KAZN: variants seen among roughly 807,000 people sequenced by gnomAD.
KAZN encodes kazrin.
In KAZN, 40 loss-of-function variants were observed where a neutral mutation model predicts 87.4. The ratio of observed to expected loss-of-function variants is 0.46; its 90% CI spans 0.36 to 0.60. The LOEUF is 0.60. Ranked by LOEUF, KAZN falls within the 20% of genes least tolerant of loss-of-function variation. The pLI is 0.00. For missense variants in KAZN, 898 were observed against 1,073.9 expected, an observed-to-expected ratio of 0.84 and a Z score of 2.29; for synonymous variants, 466 against 458.3, an observed-to-expected ratio of 1.02 and a Z score of -0.22.
intron 2 of KAZN, among the ~76,000 whole-genome samples, chr1:14,245,717 T>C (rs1055539825): frequency 6.7e-4 from 102 of 152,170 alleles, no homozygotes; most frequent in African/African-American, 2.4e-3. Flanking sequence ...ACCAGCTGTG[T>C]TCCTGTTTCC....
At chr1:14,600,920 G>A (rs1676916821) in intron 1 of KAZN, among the ~76,000 whole-genome samples, 1 of 152,200 alleles carries the variant, frequency 6.6e-6, no homozygotes. Flanking sequence ...GGCAGTCAAC[G>A]CAGTAATGAT....
chr1:14,417,476 A>C (rs4573512), intron 2 of KAZN, among the ~76,000 whole-genome samples: 13 of 151,976 alleles, frequency 8.6e-5, no homozygotes, highest in African/African-American at 3.1e-4. Context: ...TCAGCTGCTC[A>C]GTCTACAATG....
At chr1:14,250,898 G>GA (rs869223452) in intron 2 of KAZN, among the ~76,000 whole-genome samples, 64 of 130,384 alleles carry the variant, frequency 4.9e-4, no homozygotes, top group South Asian at 3.4e-3. Flanking sequence ...CAGCAAAAAA[G>GA]AAAAAAAAAA....
chr1:15,100,538 G>T (rs1396565393), intron 10 of KAZN, among the ~76,000 whole-genome samples: 1 of 152,238 alleles, frequency 6.6e-6, no homozygotes, highest in East Asian at 1.9e-4. Flanking sequence ...CGTTCCTTCT[G>T]CAAGGCTGCC....
At chr1:14,246,625 C>G (rs376173226) in intron 2 of KAZN, among the ~76,000 whole-genome samples, 11 of 152,124 alleles carry the variant, frequency 7.2e-5, no homozygotes, top group African/African-American at 2.7e-4. Flanking sequence ...TCCAACACCC[C>G]GATTGCATTC....
intron 1 of KAZN, among the ~76,000 whole-genome samples, chr1:14,652,500 T>TGTCCATCCACCCACCCACCC (rs1638467526): frequency 2.2e-4 from 4 of 18,318 alleles, no homozygotes; most frequent in Non-Finnish European, 2.9e-4. Flanking sequence ...CCTATCCACC[T>TGTCCATCCACCCACCCACCC]ATCTACCTAT....
chr1:14,960,357 A>G (rs1232235237), intron 1 of KAZN, among the ~76,000 whole-genome samples: 2 of 152,212 alleles, frequency 1.3e-5, no homozygotes, highest in African/African-American at 4.8e-5. Context: ...AACTCAACTC[A>G]GCATGCTGTT....
chr1:14,305,109 G>A (rs935750353), intron 2 of KAZN, among the ~76,000 whole-genome samples: 5 of 152,042 alleles, frequency 3.3e-5, no homozygotes, highest in African/African-American at 1.2e-4. Flanking sequence ...TCATTCCTCT[G>A]CATCAGCTAC....
intron 1 of KAZN, among the ~76,000 whole-genome samples, chr1:14,116,943 G>A (rs1470781019): frequency 6.6e-6 from 1 of 152,218 alleles, no homozygotes; most frequent in Non-Finnish European, 1.5e-5. Context: ...CTTGCATGGA[G>A]CCTGTAGCCC....
At chr1:14,491,570 G>T (rs573939001) in intron 2 of KAZN, among the ~76,000 whole-genome samples, 1 of 152,184 alleles carries the variant, frequency 6.6e-6, no homozygotes, top group Non-Finnish European at 1.5e-5. Context: ...AATACCTTCT[G>T]TATTCACCAT....
At chr1:14,356,955 C>T (rs1463093262) in intron 2 of KAZN, among the ~76,000 whole-genome samples, 1 of 151,316 alleles carries the variant, frequency 6.6e-6, no homozygotes, top group Non-Finnish European at 1.5e-5. Context: ...TTTTCTAATT[C>T]TGTGAAGAAA....
chr1:14,926,651 T>C (rs948325656), intron 1 of KAZN, among the ~76,000 whole-genome samples: 5 of 152,202 alleles, frequency 3.3e-5, no homozygotes, highest in African/African-American at 1.2e-4. Flanking sequence ...CAGCCTGCCG[T>C]GGAAATGGTT....
At chr1:14,859,021 G>A (rs959683631) in intron 1 of KAZN, among the ~76,000 whole-genome samples, 1 of 151,988 alleles carries the variant, frequency 6.6e-6, no homozygotes, top group Non-Finnish European at 1.5e-5. Flanking sequence ...CCTGGCTAAC[G>A]CAGTGAAACC....
At chr1:14,322,276 AAAGT>A (rs60372627) in intron 2 of KAZN, among the ~76,000 whole-genome samples, 17 of 151,388 alleles carry the variant, frequency 1.1e-4, no homozygotes, top group South Asian at 4.1e-4. Context: ...ATAAATAAAT[AAAGT>A]AAGTAAATAA....
chr1:14,659,321 G>A (rs1639006468), intron 1 of KAZN, among the ~76,000 whole-genome samples: 1 of 152,118 alleles, frequency 6.6e-6, no homozygotes, highest in Non-Finnish European at 1.5e-5. Context: ...TACAAATGGT[G>A]GAATTAGAGA....
chr1:14,677,701 G>A (rs1266274996), intron 1 of KAZN, among the ~76,000 whole-genome samples: 4 of 152,170 alleles, frequency 2.6e-5, no homozygotes, highest in African/African-American at 9.7e-5. Context: ...ATTATTTATT[G>A]ATGGGATTCC....
intron 1 of KAZN, among the ~76,000 whole-genome samples, chr1:14,882,415 T>C (rs1252535819): frequency 6.6e-6 from 1 of 152,226 alleles, no homozygotes; most frequent in African/African-American, 2.4e-5. Context: ...GCAAGTTGTT[T>C]AATCTCTCTT....
chr1:13,953,472 A>G (rs1641429455), intron 1 of KAZN, among the ~76,000 whole-genome samples: 1 of 152,180 alleles, frequency 6.6e-6, no homozygotes, highest in South Asian at 2.1e-4. Context: ...TGTCTGATTA[A>G]AGAATTCCTG....
chr1:14,030,582 AAAAT>A lies in KAZN; in HGVS notation c.91+136833_91+136836del, dbSNP rs573930452. ...GTACCCTAAAACATAAAGTATAATA[AAAAT>A]AAATAAGTAAATGTGAAAGAAAGAG... On this transcript the variant is annotated intron_variant, in intron 1 of 16. Transcript: ENST00000636203. Among the ~76,000 whole-genome samples the A allele has an allele frequency of 1.2e-3, 177 of 152,106 alleles. 1 individual carries two copies. The highest frequency in any genetic ancestry group is 3.9e-3 in the African/African-American group (163 of 41,480).
Sources: allele counts gnomAD v4.1 joint callset (sites outside exome capture counted in the v4.1 genomes callset), GRCh38; gene constraint gnomAD v4.1.1; transcripts MANE v1.5; gene names NCBI Gene and HGNC (gene_info 2026-07-23, HGNC 2026-07-21).